The following ABTB3 variants were observed in gnomAD, a reference collection of about 807,000 sequenced individuals.
ABTB3 encodes the protein ankyrin repeat and BTB domain containing 3.
At chr12:107,466,637 C>T in the ABTB3 span, among the ~76,000 whole-genome samples, 7 of 151,826 alleles carry the variant, frequency 4.6e-5, no homozygotes, top group East Asian at 5.8e-4. Context: ...CTGCAGACTT[C>T]GGCAGGGTGG....
At chr12:107,327,519 T>A in the ABTB3 span, among the ~76,000 whole-genome samples, 1 of 152,256 alleles carries the variant, frequency 6.6e-6, no homozygotes, top group Non-Finnish European at 1.5e-5. Context: ...AGTACCTTAC[T>A]TAACTCAGCC....
At chr12:107,471,010 T>A in the ABTB3 span, among the ~76,000 whole-genome samples, 2 of 152,222 alleles carry the variant, frequency 1.3e-5, no homozygotes, top group East Asian at 3.9e-4. Flanking sequence ...AGATGTGATG[T>A]ACTGAGCATG....
At chr12:107,659,591 G>A in the ABTB3 span, 1 of 152,232 alleles carries the variant, frequency 6.6e-6, no homozygotes, top group African/African-American at 2.4e-5. Context: ...TGAGGCTTCT[G>A]TTATCATTTG....
the ABTB3 span, among the ~76,000 whole-genome samples, chr12:107,425,585 A>T: frequency 6.6e-6 from 1 of 152,244 alleles, no homozygotes; most frequent in Admixed American, 6.5e-5. Flanking sequence ...CCTCGATTAA[A>T]CAAACTCAAA....
At chr12:107,391,593 A>G in the ABTB3 span, among the ~76,000 whole-genome samples, 8 of 152,252 alleles carry the variant, frequency 5.3e-5, no homozygotes, top group Non-Finnish European at 1.2e-4. Flanking sequence ...TGAATTCCCT[A>G]AGAGCACACA....
At chr12:107,580,419 G>A in the ABTB3 span, among the ~76,000 whole-genome samples, 1 of 152,236 alleles carries the variant, frequency 6.6e-6, no homozygotes, top group African/African-American at 2.4e-5. Context: ...CGTGCAACAA[G>A]CTTGCAACAG....
At chr12:107,468,895 T>C in the ABTB3 span, among the ~76,000 whole-genome samples, 2 of 152,112 alleles carry the variant, frequency 1.3e-5, no homozygotes, top group East Asian at 1.9e-4. Flanking sequence ...CCTTGAAGGC[T>C]CACATCCGGG....
the ABTB3 span, among the ~76,000 whole-genome samples, chr12:107,320,393 C>T: frequency 6.6e-6 from 1 of 152,246 alleles, no homozygotes; most frequent in South Asian, 2.1e-4. Context: ...GGGTTGAGAT[C>T]ATTTGCGCTT....
the ABTB3 span, among the ~76,000 whole-genome samples, chr12:107,511,567 TTGG>T: frequency 6.6e-6 from 1 of 152,142 alleles, no homozygotes; most frequent in Non-Finnish European, 1.5e-5. Context: ...GCTTCTTCTC[TTGG>T]TGGCGGCAGG....
At chr12:107,451,380 C>G in the ABTB3 span, among the ~76,000 whole-genome samples, 4 of 152,168 alleles carry the variant, frequency 2.6e-5, no homozygotes, top group Non-Finnish European at 5.9e-5. Flanking sequence ...CCCTGCAACC[C>G]TCTGCTGCGT....
At chr12:107,528,033 G>A in the ABTB3 span, among the ~76,000 whole-genome samples, 4 of 152,192 alleles carry the variant, frequency 2.6e-5, no homozygotes, top group African/African-American at 9.6e-5. Context: ...ACTAGAGTAA[G>A]TGGTAGCTGG....
the ABTB3 span, among the ~76,000 whole-genome samples, chr12:107,563,176 T>G: frequency 2.4e-3 from 367 of 152,368 alleles, 2 homozygotes; most frequent in Non-Finnish European, 4.1e-3. Flanking sequence ...AGGCACACTT[T>G]GCTATTTTTA....
chr12:107,369,589 G>C, the ABTB3 span, among the ~76,000 whole-genome samples: 1 of 151,370 alleles, frequency 6.6e-6, no homozygotes, highest in East Asian at 1.9e-4. Flanking sequence ...AAGAGAGACA[G>C]GATTTCACCA....
the ABTB3 span, among the ~76,000 whole-genome samples, chr12:107,516,674 G>T: frequency 2.0e-5 from 3 of 152,210 alleles, no homozygotes; most frequent in Non-Finnish European, 4.4e-5. Context: ...CCACCAATCA[G>T]GCAGTGGGGA....
the ABTB3 span, among the ~76,000 whole-genome samples, chr12:107,449,177 C>T: frequency 1.4e-3 from 212 of 152,292 alleles, 5 homozygotes; most frequent in Admixed American, 0.011. Flanking sequence ...ACTGCAGAGC[C>T]TATAGCCAGC....
chr12:107,419,637 C>T, the ABTB3 span, among the ~76,000 whole-genome samples: 1 of 152,170 alleles, frequency 6.6e-6, no homozygotes, highest in Non-Finnish European at 1.5e-5. Flanking sequence ...TGTGCCTTGG[C>T]TTCTCACCTA....
the ABTB3 span, among the ~76,000 whole-genome samples, chr12:107,524,773 AAGTC>A: frequency 6.6e-6 from 1 of 152,214 alleles, no homozygotes; most frequent in South Asian, 2.1e-4. Flanking sequence ...CCCTCCAGGG[AAGTC>A]CAGAAGATAT....
At chr12:107,434,958 G>A in the ABTB3 span, among the ~76,000 whole-genome samples, 1,389 of 152,246 alleles carry the variant, frequency 9.1e-3, 10 homozygotes, top group African/African-American at 0.02. Flanking sequence ...GGAGGGTAGC[G>A]TAGGAGGTGG....
At chr12:107,574,036 A>C in the ABTB3 span, among the ~76,000 whole-genome samples, 1 of 152,246 alleles carries the variant, frequency 6.6e-6, no homozygotes, top group Non-Finnish European at 1.5e-5. Flanking sequence ...CTATGAATAC[A>C]AAATAGTCTG....
Sources: allele counts gnomAD v4.1 joint callset (sites outside exome capture counted in the v4.1 genomes callset), GRCh38; gene constraint gnomAD v4.1.1; transcripts MANE v1.5; gene names NCBI Gene and HGNC (gene_info 2026-07-23, HGNC 2026-07-21).